Variants in MEI1 observed in about 807,000 individuals in gnomAD.
MEI1 encodes meiosis inhibitor protein 1.
A neutral mutation model predicts 146.2 loss-of-function variants in MEI1; 103 were observed. That is an observed-to-expected ratio of 0.70 (90% CI 0.60 to 0.83). MEI1 has a LOEUF of 0.83. MEI1 is among the 40% of genes least tolerant of loss of function. MEI1 has a pLI of 0.00. For missense variants in MEI1, 1,529 were observed against 1,533.0 expected (o/e 1.00, Z 0.04); for synonymous variants, 652 against 628.2 (o/e 1.04, Z -0.57).
intron 26 of MEI1, among the ~76,000 whole-genome samples, chr22:41,789,632 A>G (rs923460640): frequency 5.9e-5 from 9 of 152,282 alleles, no homozygotes; most frequent in South Asian, 2.1e-4. Context: ...CCATTAAACA[A>G]TTCCCCAGTC....
At chr22:41,773,925 T>C (rs1326433058) in intron 20 of MEI1, among the ~76,000 whole-genome samples, 1 of 152,110 alleles carries the variant, frequency 6.6e-6, no homozygotes, top group Non-Finnish European at 1.5e-5. Flanking sequence ...TTATTGTCTG[T>C]TCATATATAT....
At chr22:41,715,750 A>C (rs2070088351) in intron 4 of MEI1, among the ~76,000 whole-genome samples, 1 of 152,018 alleles carries the variant, frequency 6.6e-6, no homozygotes, top group Non-Finnish European at 1.5e-5. Flanking sequence ...GACATTTCAA[A>C]CTTTTGTCCC....
In MEI1 at chr22:41,795,236, AC is replaced by A. The variant is rs2076320212; in HGVS notation, c.3535-171del. Among the ~76,000 whole-genome samples the A allele has an allele frequency of 6.6e-6, 1 of 152,006 alleles. No individual in the cohort carries two copies. Among genetic ancestry groups the A allele is most frequent in the Non-Finnish European group, 1.5e-5 (1 of 68,006 alleles). ...CAGGATCTCACAGGTTGCCTTACTT[AC>A]CCCACTTCCCCATGACACAGTCCCA... On this transcript the variant is annotated intron_variant, in intron 28 of 30. Coordinates refer to ENST00000401548, the MANE Select transcript of MEI1 (RefSeq NM_152513.4). This position sits in a 1 kb window ranked among gnomAD's most constrained non-coding sequence, Gnocchi z 4.2.
rs1038740489 is a variant in MEI1, at chr22:41,705,537, C to T, written c.332C>T (p.Thr111Ile). 23 of 1,613,560 alleles carry T rather than the reference C, an allele frequency of 1.4e-5. No individual in the cohort carries two copies. Among genetic ancestry groups the T allele is most frequent in the Non-Finnish European group, 1.9e-5 (23 of 1,179,592 alleles). ...LLCSMEDGSV[T>I]DLCIEVLIQI... ...TGCAGCATGGAAGATGGGAGTGTGA[C>T]AGACCTCTGTATTGAAGGTAAGTTG... Residue 111 changes from threonine (T) to isoleucine (I), a missense_variant, in exon 3 of 31, where the codon ACA becomes ATA. Thr to Ile is a moderately conservative substitution (Grantham distance 89). Coordinates refer to ENST00000401548, the MANE Select transcript of MEI1 (RefSeq NM_152513.4).
chr22:41,778,498 G>T (rs2075583945), intron 21 of MEI1, among the ~76,000 whole-genome samples: 1 of 152,168 alleles, frequency 6.6e-6, no homozygotes. Flanking sequence ...TGAATTCCTG[G>T]TACCAACCTA....
At chr22:41,707,944 G>T (rs1480718107) in intron 3 of MEI1, among the ~76,000 whole-genome samples, 5 of 152,188 alleles carry the variant, frequency 3.3e-5, no homozygotes, top group Non-Finnish European at 7.3e-5. Context: ...CATTCCTTTG[G>T]CTACTTGGTG....
At chr22:41,780,795 G>C (rs984119003) in intron 22 of MEI1, among the ~76,000 whole-genome samples, 1 of 152,048 alleles carries the variant, frequency 6.6e-6, no homozygotes, top group African/African-American at 2.4e-5. Flanking sequence ...ACATTGCCCA[G>C]GTTGGTCTTG....
rs1163779631 is a variant in MEI1, at chr22:41,712,824, TTA to T, written c.350-1177_350-1176del. ...TTGTTTGTTTGTTTTTTTTTTTTTT[TTA>T]GAGATGGAGTCTCGCTCTGTTGCCC... On this transcript the variant is annotated intron_variant, in intron 3 of 30. Coordinates refer to ENST00000401548, the MANE Select transcript of MEI1 (RefSeq NM_152513.4). 2.5e-4 allele frequency among the ~76,000 whole-genome samples: 37 copies of T among 145,682 alleles called. No individual in the cohort carries two copies. The East Asian group carries it at 5.2e-3, about 20-fold the overall frequency.
intron 15 of MEI1, among the ~76,000 whole-genome samples, chr22:41,749,072 G>A (rs1023357680): frequency 6.6e-6 from 1 of 152,132 alleles, no homozygotes; most frequent in Non-Finnish European, 1.5e-5. Flanking sequence ...CCAAAGTGCT[G>A]GGATTACAGG....
chr22:41,718,293 GA>G lies in MEI1; in HGVS notation c.733+25del. ...TGCTTGGGTAAGACATGAGGCTGGA[GA>G]AAAAAGGGAGAATAAGTTTTTGACA... On this transcript the variant is annotated intron_variant, in intron 6 of 30. Coordinates refer to ENST00000401548, the MANE Select transcript of MEI1 (RefSeq NM_152513.4). 1.2e-6 allele frequency: 2 copies of G among 1,605,708 alleles called. No homozygotes were observed. Among genetic ancestry groups the G allele is most frequent in the Non-Finnish European group, 1.7e-6 (2 of 1,176,152 alleles).
intron 21 of MEI1, 140 bp from the exon 22 acceptor site, chr22:41,778,568 A>T: frequency 1.6e-6 from 1 of 623,216 alleles, no homozygotes; most frequent in South Asian, 2.0e-5. Context: ...ATAGGAGTAA[A>T]TCCCAACAAA....
intron 11 of MEI1, among the ~76,000 whole-genome samples, chr22:41,733,786 G>A (rs1473911322): frequency 6.6e-6 from 1 of 152,054 alleles, no homozygotes; most frequent in Non-Finnish European, 1.5e-5. Context: ...TATTTATATA[G>A]CATTTGCATT....
chr22:41,701,614 G>T (rs2147190072), intron 1 of MEI1, among the ~76,000 whole-genome samples: 1 of 152,264 alleles, frequency 6.6e-6, no homozygotes, highest in Middle Eastern at 3.4e-3. Flanking sequence ...TTTCATTAAG[G>T]ATGGAAATTC....
intron 3 of MEI1, among the ~76,000 whole-genome samples, chr22:41,706,916 C>T (rs991686563): frequency 5.3e-5 from 8 of 151,336 alleles, no homozygotes; most frequent in Non-Finnish European, 1.2e-4. Context: ...GTAGGCCGGG[C>T]GCAGTGGCTC....
At chr22:41,798,888 A>C (rs912207203) in intron 30 of MEI1, among the ~76,000 whole-genome samples, 1 of 151,840 alleles carries the variant, frequency 6.6e-6, no homozygotes, top group African/African-American at 2.4e-5. Context: ...AAAAAAAAAA[A>C]AAAAAGCAAG....
At chr22:41,776,709 T>C (rs2075454196) in intron 21 of MEI1, among the ~76,000 whole-genome samples, 1 of 152,216 alleles carries the variant, frequency 6.6e-6, no homozygotes, top group African/African-American at 2.4e-5. Flanking sequence ...GGAATGGTAC[T>C]CACTGGAGTC....
intron 6 of MEI1, among the ~76,000 whole-genome samples, chr22:41,718,589 T>TAA (rs1430904266): frequency 6.6e-6 from 1 of 152,354 alleles, no homozygotes; most frequent in East Asian, 1.9e-4. Context: ...TCCTGTCACT[T>TAA]TCTTAAGTCA....
intron 3 of MEI1, among the ~76,000 whole-genome samples, chr22:41,713,628 A>G (rs573364940): frequency 7.2e-4 from 110 of 152,270 alleles, no homozygotes; most frequent in African/African-American, 2.6e-3. Context: ...GGCTCACTAC[A>G]ACCTCCGCCT....
intron 7 of MEI1, among the ~76,000 whole-genome samples, chr22:41,727,345 C>T (rs1214317602): frequency 1.3e-5 from 2 of 152,142 alleles, no homozygotes; most frequent in African/African-American, 4.8e-5. Flanking sequence ...GCAGTTAACG[C>T]TTTTCTTGAT....
Sources: gnomAD v4.1 joint callset for allele counts (sites outside exome capture counted in the v4.1 genomes callset) on GRCh38, gnomAD v4.1.1 for gene constraint, Gnocchi (gnomAD v3.1) non-coding constraint, MANE v1.5 for transcripts, NCBI Gene and HGNC (gene_info 2026-07-23, HGNC 2026-07-21) for gene names.